Variants in ZNF208 observed in about 807,000 individuals in gnomAD.
ZNF208 encodes zinc finger protein 95.
A neutral mutation model predicts 12.1 loss-of-function variants in ZNF208; 10 were observed. That is an observed-to-expected ratio of 0.83 (90% CI 0.51 to 1.40). The LOEUF (loss-of-function observed/expected upper bound fraction) is 1.40. Among genes scored for constraint, ZNF208 ranks in the 40% most tolerant of loss-of-function variants. ZNF208 has a pLI of 0.00. For missense variants in ZNF208, 1,652 were observed against 1,485.0 expected (o/e 1.11, Z -1.85); for synonymous variants, 497 against 488.4 (o/e 1.02, Z -0.23).
chr19:21,951,064 C>A (rs766969936), intron 4 of ZNF208, among the ~76,000 whole-genome samples: 1 of 152,190 alleles, frequency 6.6e-6, no homozygotes, highest in East Asian at 1.9e-4. Flanking sequence ...AGAATACAAA[C>A]ATCTTAAACA....
chr19:21,947,962 G>C (rs746280923), intron 4 of ZNF208, among the ~76,000 whole-genome samples: 1 of 152,104 alleles, frequency 6.6e-6, no homozygotes, highest in African/African-American at 2.4e-5. Context: ...TCCTGCCAAC[G>C]AGCTCCTCTG....
intron 1 of ZNF208, among the ~76,000 whole-genome samples, chr19:21,995,646 T>G (rs531910931): frequency 6.6e-6 from 1 of 152,308 alleles, no homozygotes; most frequent in South Asian, 2.1e-4. Context: ...ATCCGGGTTG[T>G]CCGTCCTGAT....
intron 1 of ZNF208, among the ~76,000 whole-genome samples, chr19:22,005,439 A>G (rs1178028752): frequency 4.6e-5 from 7 of 152,200 alleles, no homozygotes; most frequent in African/African-American, 1.7e-4. Flanking sequence ...GTTTCATTCC[A>G]GGCCAGGAGT....
intron 1 of ZNF208, among the ~76,000 whole-genome samples, chr19:22,003,498 A>G (rs926491903): frequency 2.8e-5 from 3 of 105,382 alleles, no homozygotes; most frequent in African/African-American, 1.2e-4. Flanking sequence ...AAAAACTAAA[A>G]AGAAGACCAA....
intron 3 of ZNF208, among the ~76,000 whole-genome samples, chr19:21,979,108 T>C (rs1349811635): frequency 6.6e-6 from 1 of 152,144 alleles, no homozygotes; most frequent in Non-Finnish European, 1.5e-5. Context: ...TTAATTCGGG[T>C]ACGTGAAAGT....
downstream of ZNF208, chr19:21,965,946 G>A (rs1269337949): frequency 1.3e-5 from 2 of 151,752 alleles, no homozygotes; most frequent in Admixed American, 6.6e-5. Flanking sequence ...CACTTTTTGG[G>A]CTATAGACTA....
chr19:21,947,694 A>T (rs1359542116), intron 4 of ZNF208, among the ~76,000 whole-genome samples: 1 of 152,148 alleles, frequency 6.6e-6, no homozygotes, highest in Non-Finnish European at 1.5e-5. Context: ...ATCAAACTAC[A>T]CTGGAATTTG....
At chr19:22,000,893 AG>A in intron 1 of ZNF208, among the ~76,000 whole-genome samples, 1 of 152,346 alleles carries the variant, frequency 6.6e-6, no homozygotes, top group Non-Finnish European at 1.5e-5. Context: ...AATATACTGA[AG>A]TCTGCTATGC....
chr19:21,954,410 ATCTG>A (rs1452709052), intron 4 of ZNF208, among the ~76,000 whole-genome samples: 1 of 152,108 alleles, frequency 6.6e-6, no homozygotes, highest in Non-Finnish European at 1.5e-5. Flanking sequence ...TGTCTCACTG[ATCTG>A]TCTAATGTTG....
At chr19:22,005,740 T>C (rs1162665846) in intron 1 of ZNF208, among the ~76,000 whole-genome samples, 1 of 152,218 alleles carries the variant, frequency 6.6e-6, no homozygotes, top group African/African-American at 2.4e-5. Flanking sequence ...ACACTAGTTA[T>C]ACTTACTGGC....
intron 1 of ZNF208, among the ~76,000 whole-genome samples, chr19:21,992,041 T>C (rs912474128): frequency 2.0e-5 from 3 of 151,978 alleles, no homozygotes; most frequent in Non-Finnish European, 4.4e-5. Context: ...TTCTGGTTTG[T>C]AAACAAAGAT....
In ZNF208 at chr19:21,971,932, A is replaced by G. The variant is rs371924795; in HGVS notation, c.3102T>C (p.Cys1034=). 6 of 1,576,492 alleles carry G rather than the reference A, an allele frequency of 3.8e-6. No individual in the cohort carries two copies. The highest frequency in any genetic ancestry group is 5.2e-6 in the Non-Finnish European group (6 of 1,156,692). ...TTGAGGGCCAGCTGAAGGCTTTGTC[A>G]CATTCTTCACATTTGTAGGGTGTCT... The part of the protein sequence containing the change: ...TGETPYKCEE[C]DKAFSWPSSL... Residue 1034 remains cysteine (C), a synonymous_variant, in exon 4 of 4, where the codon TGT becomes TGC. Transcript: ENST00000397126.
intron 1 of ZNF208, among the ~76,000 whole-genome samples, chr19:21,996,561 C>G (rs1970838738): frequency 6.6e-6 from 1 of 152,096 alleles, no homozygotes; most frequent in Non-Finnish European, 1.5e-5. Context: ...CAGATAAAAA[C>G]TTATTTTTTT....
At chr19:21,989,219 T>C (rs1260079449) in intron 1 of ZNF208, among the ~76,000 whole-genome samples, 1 of 147,354 alleles carries the variant, frequency 6.8e-6, no homozygotes, top group Non-Finnish European at 1.5e-5. Context: ...GTATATCTCC[T>C]AATGCTATCC....
intron 4 of ZNF208, among the ~76,000 whole-genome samples, chr19:21,956,852 C>T (rs566595421): frequency 6.6e-6 from 1 of 152,244 alleles, no homozygotes; most frequent in East Asian, 1.9e-4. Context: ...GTCCAACAAG[C>T]CCCAGTGAGA....
At chr19:21,943,100 G>C (rs772204247) in intron 4 of ZNF208, among the ~76,000 whole-genome samples, 3 of 152,152 alleles carry the variant, frequency 2.0e-5, no homozygotes, top group Non-Finnish European at 2.9e-5. Flanking sequence ...AAATCAACTG[G>C]AAGGCACTTT....
At position 21,974,318 on chromosome 19, in the gene ZNF208, C is replaced by T. The variant is rs750504792; in HGVS notation, c.716G>A (p.Ser239Asn). Residue 239 changes from serine to asparagine, a missense_variant, in exon 4 of 4, where the codon AGT (serine) becomes AAT (asparagine). By Grantham distance (46) the Ser-to-Asn change is conservative. This residue lies in a region of ZNF208 where 410 missense variants were observed against 378.2 expected (regional missense o/e 1.08). Transcript: ENST00000397126. ...YRCKECGKAF[S>N]KFSILTKHKV... ...ATGTTTAGTAAGGATTGAGAACTTA[C>T]TAAAGGCTTTGCCACATTCTTTACA... 21 of 1,613,436 alleles carry T rather than the reference C, an allele frequency of 1.3e-5. No homozygotes were observed. Among genetic ancestry groups the T allele is most frequent in the Middle Eastern group, 1.6e-4 (1 of 6,076 alleles).
At chr19:21,956,340 G>C (rs929411595) in intron 4 of ZNF208, among the ~76,000 whole-genome samples, 1 of 152,186 alleles carries the variant, frequency 6.6e-6, no homozygotes, top group African/African-American at 2.4e-5. Flanking sequence ...CTCTGTGCTG[G>C]GAGAACCACT....
chr19:21,974,600 A>C lies in ZNF208; in HGVS notation c.434T>G (p.Phe145Cys), dbSNP rs1970391121. The change falls in exon 4 of 4, where the codon TTT (phenylalanine) becomes TGT (cysteine). Residue 145 changes from phenylalanine (F) to cysteine (C), a missense_variant. By Grantham distance (205) the Phe-to-Cys change is radical. Transcript: ENST00000397126. ...QSLTTTQSKVFQRGKYANVFH... is the reference protein window; with the variant it reads ...QSLTTTQSKVCQRGKYANVFH... ...GACATTTGCATATTTGCCACGTTGA[A>C]ATACTTTGCTCTGTGTAGTTGTCAA... The C allele has an allele frequency of 1.9e-6, 3 of 1,613,550 alleles. No individual in the cohort carries two copies. In the African/African-American group the frequency reaches 4.0e-5, roughly 22 times the overall value.
Sources: gnomAD v4.1 joint callset for allele counts (sites outside exome capture counted in the v4.1 genomes callset) on GRCh38, gnomAD v4.1.1 for gene constraint, gnomAD v4.1.1 regional missense constraint, MANE v1.5 for transcripts, NCBI Gene and HGNC (gene_info 2026-07-23, HGNC 2026-07-21) for gene names.